POTEC: variants seen among roughly 807,000 people sequenced by gnomAD.
POTEC encodes the protein POTE ankyrin domain family member C.
POTEC carries 35 observed loss-of-function variants against 62.0 expected under a neutral mutation model. That is an observed-to-expected ratio of 0.56 (90% confidence interval 0.43 to 0.75). POTEC has a LOEUF of 0.75. POTEC is among the 30% of genes least tolerant of loss of function. The pLI is 0.00. For missense variants in POTEC, 472 were observed against 655.9 expected (o/e 0.72, Z 3.06); for synonymous variants, 156 against 221.5 (o/e 0.70, Z 2.62).
At chr18:14,532,405 G>T (rs1200620348) in intron 5 of POTEC, among the ~76,000 whole-genome samples, 1 of 152,072 alleles carries the variant, frequency 6.6e-6, no homozygotes, top group African/African-American at 2.4e-5. Context: ...CATAGGTAAG[G>T]GAACTAAAAA....
chr18:14,521,884 CA>C (rs1910319912), intron 9 of POTEC, among the ~76,000 whole-genome samples: 1 of 151,930 alleles, frequency 6.6e-6, no homozygotes, highest in South Asian at 2.1e-4. Flanking sequence ...GGGAGACGAC[CA>C]AAAAACTACC....
At position 14,530,265 on chromosome 18, in the gene POTEC, G is replaced by A. The variant is rs148124643; in HGVS notation, c.1126+218C>T. ...AGAAAAATAAGCTCAGAGTTTCCAC[G>A]GATTCTACATTATAGTAAGTTGTAT... On this transcript the variant is annotated intron_variant, in intron 6 of 10. Coordinates refer to ENST00000358970, the MANE Select transcript of POTEC (RefSeq NM_001137671.2). Among the ~76,000 whole-genome samples the A allele has an allele frequency of 5.9e-3, 898 of 151,878 alleles. 16 individuals carry two copies. The highest frequency in any genetic ancestry group is 0.058 in the South Asian group (278 of 4,804).
chr18:14,524,258 T>C (rs1192586602), intron 7 of POTEC, among the ~76,000 whole-genome samples: 1 of 152,196 alleles, frequency 6.6e-6, no homozygotes, highest in East Asian at 1.9e-4. Context: ...CTGCAAGATA[T>C]GATTCTTGTA....
rs2143164504 is a variant in POTEC, at chr18:14,537,793, A to G, written c.810+8T>C. ...AGTATTTTGAAGATAAAATTGGTAG[A>G]TCTATACCTTGTTTTTTGATTCAAT... On this transcript the variant is annotated splice_region_variant and intron_variant, in intron 3 of 10. Transcript: ENST00000358970. 1.2e-6 allele frequency: 2 copies of G among 1,610,542 alleles called. No individual in the cohort carries two copies. Among genetic ancestry groups the G allele is most frequent in the East Asian group, 4.5e-5 (2 of 44,822 alleles).
At chr18:14,516,190 C>T (rs1356358253) in intron 9 of POTEC, among the ~76,000 whole-genome samples, 2 of 148,642 alleles carry the variant, frequency 1.3e-5, no homozygotes, top group Non-Finnish European at 3.0e-5. Context: ...AGAAATCATA[C>T]TCTCAAAAAG....
intron 6 of POTEC, among the ~76,000 whole-genome samples, chr18:14,527,640 TCTCTTCTTC>T (rs1910471142): frequency 6.6e-6 from 1 of 151,918 alleles, no homozygotes; most frequent in Non-Finnish European, 1.5e-5. Context: ...TGACTATACC[TCTCTTCTTC>T]CTCTGCTTTA....
Position 14,538,238 on chromosome 18 carries a change from T to G in POTEC, c.533A>C (p.His178Pro), listed in dbSNP as rs1463087878. Residue 178 changes from histidine to proline, a missense_variant, in exon 2 of 11, where the codon CAT becomes CCT. Physicochemically the swap from His to Pro is moderately conservative, Grantham distance 77. Transcript: ENST00000358970. ...TGAATTTCCATTGGCAGAGGCCAAA[T>G]GTAGAGCAGTCCTATGAGAGTGAGA... ...KRDKQKRTAL[H>P]LASANGNSEV... is the part of the protein sequence containing the mutation. The G allele has an allele frequency of 6.2e-7, 1 of 1,608,538 alleles. No individual in the cohort carries two copies. The highest frequency in any genetic ancestry group is 2.2e-5 in the East Asian group (1 of 44,792).
chr18:14,537,197 ACACACACACAC>A (rs1418121679), intron 3 of POTEC, among the ~76,000 whole-genome samples: 8 of 84,668 alleles, frequency 9.4e-5, no homozygotes, highest in African/African-American at 3.7e-4. Context: ...ACACACACAC[ACACACACACAC>A]ACAAAAAAAA....
chr18:14,533,379 G>C (rs1302876596), intron 4 of POTEC, among the ~76,000 whole-genome samples, 181 bp from the exon 5 acceptor site: 1 of 152,090 alleles, frequency 6.6e-6, no homozygotes, highest in South Asian at 2.1e-4. Context: ...TACCACCAAG[G>C]TTAAAAGGAA....
In POTEC at chr18:14,537,193, AC is replaced by A. The variant is rs1567915370; in HGVS notation, c.810+607del. ...TAACAACACACACACACACACACACACACACACACACACACACAAAAAAAAA... is the reference window on the plus strand; with the variant it reads ...TAACAACACACACACACACACACACAACACACACACACACACAAAAAAAAA... On this transcript the variant is annotated intron_variant, in intron 3 of 10. Coordinates refer to ENST00000358970, the MANE Select transcript of POTEC (RefSeq NM_001137671.2). 2.1e-3 allele frequency among the ~76,000 whole-genome samples: 172 copies of A among 81,916 alleles called. 5 individuals carry two copies. Among genetic ancestry groups the A allele is most frequent in the African/African-American group, 0.013 (166 of 13,088 alleles). The allele number at this position is 81,916 out of a possible 152,430, so 53.7% of individuals were successfully genotyped here. A position where few individuals can be genotyped will look rare whatever the true frequency, so the allele number is the denominator to read the frequency against.
chr18:14,510,323 C>T lies in POTEC; in HGVS notation c.*1575G>A, dbSNP rs1411516366. On this transcript the variant is annotated 3_prime_UTR_variant, in exon 11 of 11. Transcript: ENST00000358970. ...TCTGAGGGTAGCAAGGGCAGTTCCA[C>T]TGCAGAGGCAGTGGCAGAGAGGATT... 1 of 152,006 alleles carries T rather than the reference C, an allele frequency of 6.6e-6. No individual in the cohort carries two copies. The highest frequency in any genetic ancestry group is 6.5e-5 in the Admixed American group (1 of 15,272). The allele number at this position is 152,006 out of a possible 1,614,324, so 9.4% of individuals were successfully genotyped here.
At chr18:14,528,962 G>A (rs1910508640) in intron 6 of POTEC, 4 of 454,288 alleles carry the variant, frequency 8.8e-6, no homozygotes, top group South Asian at 1.6e-5. Context: ...TGCCAAACAG[G>A]CAACCTCATT....
intron 6 of POTEC, among the ~76,000 whole-genome samples, chr18:14,525,874 T>G (rs527892977): frequency 5.3e-5 from 8 of 152,158 alleles, no homozygotes; most frequent in African/African-American, 1.9e-4. Context: ...CCATCCACTA[T>G]TATGACAAAT....
intron 4 of POTEC, among the ~76,000 whole-genome samples, chr18:14,534,414 C>A (rs193036035): frequency 1.6e-3 from 243 of 152,044 alleles, no homozygotes; most frequent in African/African-American, 5.7e-3. Flanking sequence ...TGTCATGTGG[C>A]GATAAGCTAA....
rs763083278 is a variant in POTEC, at chr18:14,533,103, C to A, written c.1013G>T (p.Gly338Val). Reference protein sequence around the residue: ...NVDVSSQDLSGQTAREYAVSS... With the variant: ...NVDVSSQDLSVQTAREYAVSS... ...AACAGCATACTCTCTGGCCGTCTGT[C>A]CAGATAGATCTTGAGAAGATACATC... The change falls in exon 5 of 11, where the codon GGA (glycine) becomes GTA (valine). Residue 338 changes from glycine to valine, a missense_variant. Gly to Val is a moderately radical substitution (Grantham distance 109). Coordinates refer to ENST00000358970, the MANE Select transcript of POTEC (RefSeq NM_001137671.2). The A allele has an allele frequency of 6.2e-7, 1 of 1,611,156 alleles. No homozygotes were observed. The highest frequency in any genetic ancestry group is 1.1e-5 in the South Asian group (1 of 90,956).
intron 7 of POTEC, among the ~76,000 whole-genome samples, chr18:14,523,850 C>A (rs980590222): frequency 1.3e-5 from 2 of 152,070 alleles, no homozygotes; most frequent in Non-Finnish European, 2.9e-5. Context: ...TGTGTTAAAT[C>A]TACCAAAAAT....
intron 9 of POTEC, among the ~76,000 whole-genome samples, chr18:14,515,594 G>A (rs1458649642): frequency 6.6e-6 from 1 of 151,464 alleles, no homozygotes; most frequent in South Asian, 2.1e-4. Context: ...ATTAGCCTAG[G>A]CAAATAATTT....
chr18:14,537,533 A>T (rs1465984045), intron 3 of POTEC, among the ~76,000 whole-genome samples: 1 of 152,158 alleles, frequency 6.6e-6, no homozygotes, highest in Non-Finnish European at 1.5e-5. Flanking sequence ...GGCAGGGAAA[A>T]ATTGAAAAAA....
intron 1 of POTEC, among the ~76,000 whole-genome samples, chr18:14,539,698 C>T (rs1228767148): frequency 2.0e-5 from 3 of 151,610 alleles, no homozygotes; most frequent in African/African-American, 4.8e-5. Flanking sequence ...TTTACCCAAG[C>T]CTTATACATT....
Sources: allele counts gnomAD v4.1 joint callset (sites outside exome capture counted in the v4.1 genomes callset), GRCh38; gene constraint gnomAD v4.1.1; transcripts MANE v1.5; gene names NCBI Gene and HGNC (gene_info 2026-07-23, HGNC 2026-07-21).